THSD7A: variants seen among roughly 807,000 people sequenced by gnomAD.
THSD7A encodes thrombospondin type-1 domain-containing protein 7A.
A neutral mutation model predicts 231.3 loss-of-function variants in THSD7A; 96 were observed. The ratio of observed to expected loss-of-function variants is 0.41; its 90% CI spans 0.35 to 0.49. The LOEUF is 0.49. Among genes scored for constraint, THSD7A ranks in the 20% least tolerant of loss-of-function variants. The pLI, the probability that THSD7A is intolerant of heterozygous loss-of-function variation, is 0.05. For missense variants in THSD7A, 2,290 were observed against 2,070.2 expected, an observed-to-expected ratio of 1.11 and a Z score of -2.06; for synonymous variants, 940 against 743.3, an observed-to-expected ratio of 1.26 and a Z score of -4.30.
At chr7:11,760,408 T>A (rs950494442) in intron 1 of THSD7A, among the ~76,000 whole-genome samples, 1 of 151,944 alleles carries the variant, frequency 6.6e-6, no homozygotes, top group Non-Finnish European at 1.5e-5. Flanking sequence ...TGCATTTGAT[T>A]ATAAAGAACA....
At chr7:11,617,435 A>G (rs771674390) in intron 2 of THSD7A, among the ~76,000 whole-genome samples, 1 of 152,174 alleles carries the variant, frequency 6.6e-6, no homozygotes. Context: ...GTATGTATGT[A>G]TGATTCATTC....
intron 2 of THSD7A, among the ~76,000 whole-genome samples, chr7:11,619,151 T>C (rs750948328): frequency 1.3e-5 from 2 of 152,012 alleles, no homozygotes; most frequent in African/African-American, 2.4e-5. Flanking sequence ...ATAAGAAATA[T>C]AAAGAAACTG....
At chr7:11,778,711 T>C (rs1054996776) in intron 1 of THSD7A, among the ~76,000 whole-genome samples, 6 of 152,152 alleles carry the variant, frequency 3.9e-5, no homozygotes, top group Non-Finnish European at 8.8e-5. Context: ...ATGAAGACTA[T>C]AATTTTCAGA....
rs137888866 is a variant in THSD7A, at chr7:11,613,556, T to C, written c.1023-20054A>G. Among the ~76,000 whole-genome samples, 436 of 152,348 alleles carry C rather than the reference T, an allele frequency of 2.9e-3. 2 individuals carry two copies. The highest frequency in any genetic ancestry group is 3.6e-3 in the Non-Finnish European group (244 of 68,030). On this transcript the variant is annotated intron_variant, in intron 2 of 27. Coordinates refer to ENST00000423059, the MANE Select transcript of THSD7A (RefSeq NM_015204.3). ...CTATGAACGTCAGTCAGTTTCTTTC[T>C]ACAGTCATTTCAGTGTTCGTTCATG...
intron 9 of THSD7A, 68 bp downstream of exon 9, chr7:11,469,811 A>G (rs56163655): frequency 0.15 from 161,931 of 1,062,478 alleles, 13,738 homozygotes; most frequent in Non-Finnish European, 0.17. Context: ...TTGCTAGGCC[A>G]GAAGACCTCA....
chr7:11,744,132 T>C (rs1460284730), intron 1 of THSD7A, among the ~76,000 whole-genome samples: 1 of 151,870 alleles, frequency 6.6e-6, no homozygotes, highest in Non-Finnish European at 1.5e-5. Context: ...TTTCATACCA[T>C]GTTGGATACC....
intron 6 of THSD7A, among the ~76,000 whole-genome samples, chr7:11,528,861 T>C (rs1325267394): frequency 3.3e-5 from 5 of 152,098 alleles, no homozygotes; most frequent in Non-Finnish European, 7.4e-5. Flanking sequence ...TTTGAAGATA[T>C]ATTTTCCTCA....
intron 2 of THSD7A, among the ~76,000 whole-genome samples, chr7:11,613,325 A>C (rs1780995311): frequency 6.6e-6 from 1 of 152,206 alleles, no homozygotes; most frequent in African/African-American, 2.4e-5. Flanking sequence ...TCCACTTACA[A>C]AGTAAACTAA....
intron 1 of THSD7A, among the ~76,000 whole-genome samples, chr7:11,742,651 G>A (rs766533352): frequency 6.6e-6 from 1 of 151,912 alleles, no homozygotes; most frequent in Non-Finnish European, 1.5e-5. Flanking sequence ...AAACCTTTGT[G>A]CATGTCACTT....
chr7:11,664,570 T>C (rs1783049860), intron 1 of THSD7A, among the ~76,000 whole-genome samples: 1 of 151,974 alleles, frequency 6.6e-6, no homozygotes, highest in African/African-American at 2.4e-5. Context: ...AAATAGCCAT[T>C]GAAACTGATG....
chr7:11,483,959 A>C (rs2128305432), intron 6 of THSD7A, among the ~76,000 whole-genome samples: 1 of 152,262 alleles, frequency 6.6e-6, no homozygotes, highest in Non-Finnish European at 1.5e-5. Flanking sequence ...TGTAAACCAA[A>C]GAAATGTGCA....
intron 2 of THSD7A, among the ~76,000 whole-genome samples, chr7:11,627,293 TTGTC>T (rs1781503391): frequency 6.6e-6 from 1 of 152,068 alleles, no homozygotes; most frequent in Non-Finnish European, 1.5e-5. Context: ...AAAAGAAAGT[TTGTC>T]TAGTCATTCA....
intron 13 of THSD7A, among the ~76,000 whole-genome samples, chr7:11,435,455 T>G (rs1049382110): frequency 2.0e-4 from 30 of 152,228 alleles, no homozygotes; most frequent in African/African-American, 6.7e-4. Flanking sequence ...ACATGTTATC[T>G]GACCACCTTT....
chr7:11,448,231 C>T (rs1785037929), intron 11 of THSD7A, among the ~76,000 whole-genome samples: 1 of 152,048 alleles, frequency 6.6e-6, no homozygotes, highest in African/African-American at 2.4e-5. Context: ...GTTCTGCTGA[C>T]TTAAAATGAG....
chr7:11,461,541 A>G (rs1785505114), intron 10 of THSD7A, among the ~76,000 whole-genome samples: 1 of 152,174 alleles, frequency 6.6e-6, no homozygotes, highest in Non-Finnish European at 1.5e-5. Context: ...GGTGATCACA[A>G]ATGAACAGAA....
At chr7:11,526,064 C>A (rs56207986) in intron 6 of THSD7A, among the ~76,000 whole-genome samples, 22,208 of 152,060 alleles carry the variant, frequency 0.15, 1,805 homozygotes, top group Middle Eastern at 0.2. Context: ...GGTTGGAGTT[C>A]TACGTTAAAG....
chr7:11,456,880 A>G (rs994552913), intron 11 of THSD7A, among the ~76,000 whole-genome samples: 4 of 152,050 alleles, frequency 2.6e-5, no homozygotes, highest in African/African-American at 7.2e-5. Flanking sequence ...TGAAGTAAAC[A>G]TTTCTATCTC....
chr7:11,756,601 A>T lies in THSD7A; in HGVS notation c.190+75156T>A, dbSNP rs979293334. ...AAAGCAAATCACAGGACAAGAAAAA[A>T]AAAATGTTCATTTAGTAAACCTGAT... On this transcript the variant is annotated intron_variant, in intron 1 of 27. Coordinates refer to ENST00000423059, the MANE Select transcript of THSD7A (RefSeq NM_015204.3). Among the ~76,000 whole-genome samples the T allele has an allele frequency of 2.6e-5, 4 of 152,098 alleles. No homozygotes were observed. In the South Asian group the frequency reaches 8.3e-4, roughly 31 times the overall value.
At chr7:11,750,733 T>C (rs1782473621) in intron 1 of THSD7A, among the ~76,000 whole-genome samples, 1 of 151,980 alleles carries the variant, frequency 6.6e-6, no homozygotes, top group Non-Finnish European at 1.5e-5. Flanking sequence ...ACAACTTCAT[T>C]AGAGACCTCA....
Sources: allele counts gnomAD v4.1 joint callset (sites outside exome capture counted in the v4.1 genomes callset), GRCh38; gene constraint gnomAD v4.1.1; transcripts MANE v1.5; gene names NCBI Gene and HGNC (gene_info 2026-07-23, HGNC 2026-07-21).